Variants in KIF13A observed in about 807,000 individuals in gnomAD.
KIF13A encodes the protein kinesin family member 13A, also known as kinesin-like protein KIF13A.
KIF13A carries 79 observed loss-of-function variants against 212.2 expected under a neutral mutation model. The observed-to-expected ratio is 0.37, with a 90% CI of 0.31 to 0.45. The LOEUF is 0.45. KIF13A is among the 20% of genes least tolerant of loss of function. KIF13A has a pLI of 1.00. For synonymous variants in KIF13A, 789 were observed against 808.6 expected (o/e 0.98, Z 0.41); for missense variants, 1,901 against 2,209.0 (o/e 0.86, Z 2.79).
Position 17,800,058 on chromosome 6 carries a change from C to T in KIF13A, c.2510G>A (p.Arg837His), listed in dbSNP as rs778640625. The T allele has an allele frequency of 1.1e-5, 18 of 1,613,902 alleles. No homozygotes were observed. The highest frequency in any genetic ancestry group is 2.2e-5 in the East Asian group (1 of 44,892). The change falls in exon 21 of 39, where the codon CGT (arginine) becomes CAT (histidine). Residue 837 changes from arginine to histidine, a missense_variant. Around this residue, in one of 5 missense-constraint regions of KIF13A, gnomAD observed 534 missense variants for 536.9 expected, o/e 0.99. Transcript: ENST00000259711. ...VMRVTGAVPE[R>H]VVEDDSSENS... ...CTCCGAAGAGTCATCCTCCACCACA[C>T]GCTCTGGAACAGCTCCTGTAACACG...
chr6:17,819,414 C>G (rs1411417835), intron 16 of KIF13A, among the ~76,000 whole-genome samples: 2 of 151,732 alleles, frequency 1.3e-5, no homozygotes, highest in African/African-American at 2.4e-5. Context: ...AACACAAAAA[C>G]TAGTCAGGCG....
intron 16 of KIF13A, among the ~76,000 whole-genome samples, chr6:17,823,854 C>T (rs926512543): frequency 3.3e-5 from 5 of 151,918 alleles, no homozygotes; most frequent in South Asian, 2.1e-4. Context: ...CTTCCCGTCT[C>T]GGCCTCCCAA....
chr6:17,830,468 A>T (rs1203947497), intron 13 of KIF13A, among the ~76,000 whole-genome samples: 1 of 152,162 alleles, frequency 6.6e-6, no homozygotes, highest in Non-Finnish European at 1.5e-5. Flanking sequence ...ACTTTTTTTA[A>T]GAGTGTAAAT....
chr6:17,966,506 A>C (rs1235227253), intron 2 of KIF13A, among the ~76,000 whole-genome samples: 2 of 151,012 alleles, frequency 1.3e-5, no homozygotes, highest in East Asian at 3.9e-4. Flanking sequence ...AAAAAAAAAA[A>C]AACCCATGAT....
At chr6:17,957,987 G>A (rs1270958122) in intron 2 of KIF13A, among the ~76,000 whole-genome samples, 3 of 152,104 alleles carry the variant, frequency 2.0e-5, no homozygotes, top group Non-Finnish European at 4.4e-5. Flanking sequence ...CCTTCCTCTA[G>A]GAAACAGTCA....
In KIF13A at chr6:17,926,948, G is replaced by A. The variant is rs1775547867; in HGVS notation, c.147-28768C>T. 6.6e-6 allele frequency among the ~76,000 whole-genome samples: 1 copy of A among 151,938 alleles called. No individual in the cohort carries two copies. Among genetic ancestry groups the A allele is most frequent in the African/African-American group, 2.4e-5 (1 of 41,322 alleles). ...AGATCAGGAGTTCGAGACCAGCTGC[G>A]CCAACATGGTGAAACCTCATCTCTA... On this transcript the variant is annotated intron_variant, in intron 2 of 38. Coordinates refer to ENST00000259711, the MANE Select transcript of KIF13A (RefSeq NM_022113.6). The surrounding 1 kb of genome is among the most constrained non-coding windows in gnomAD (Gnocchi z 4.3).
At chr6:17,830,416 G>GAAACCCAGACACAT (rs1765346962) in intron 13 of KIF13A, among the ~76,000 whole-genome samples, 1 of 151,976 alleles carries the variant, frequency 6.6e-6, no homozygotes, top group Non-Finnish European at 1.5e-5. Context: ...CAGTAAACAC[G>GAAACCCAGACACAT]GATATAACCC....
chr6:17,800,272 C>T (rs1470774925), intron 20 of KIF13A, among the ~76,000 whole-genome samples, 159 bp from the exon 21 acceptor site: 1 of 152,026 alleles, frequency 6.6e-6, no homozygotes, highest in African/African-American at 2.4e-5. Context: ...CAGAGCAGTC[C>T]ATTCCACCAC....
chr6:17,986,107 T>C (rs1244284983), intron 2 of KIF13A, among the ~76,000 whole-genome samples: 2 of 152,190 alleles, frequency 1.3e-5, no homozygotes, highest in East Asian at 3.8e-4. Context: ...AAGAAGGAAA[T>C]TCACTAAATT....
intron 9 of KIF13A, among the ~76,000 whole-genome samples, chr6:17,842,777 G>C (rs1015912491): frequency 1.5e-4 from 22 of 150,028 alleles, no homozygotes; most frequent in South Asian, 8.9e-4. Flanking sequence ...AAAAGTAAAA[G>C]AAAGTTGGGA....
chr6:17,916,584 GAAAC>G (rs1483582484), intron 2 of KIF13A, among the ~76,000 whole-genome samples: 1 of 152,138 alleles, frequency 6.6e-6, no homozygotes, highest in Non-Finnish European at 1.5e-5. Context: ...CAGTTAAAAA[GAAAC>G]AAATCTTTTT....
rs111265829 is a variant in KIF13A at position 17,792,738 on chromosome 6, T to G, written c.3222+1511A>C. ...TTCCGAGCTAGAGGGAATTTTGGGC[T>G]TGAAGAAGGCAGGCAGCATCTGACA... is the stretch of plus-strand genomic sequence containing the variant. On this transcript the variant is annotated intron_variant, in intron 25 of 38. Transcript: ENST00000259711. Among the ~76,000 whole-genome samples the G allele has an allele frequency of 8.3e-4, 127 of 152,320 alleles. 2 individuals carry two copies. The highest frequency in any genetic ancestry group is 2.9e-3 in the African/African-American group (121 of 41,568).
Position 17,968,230 on chromosome 6 carries a change from A to C in KIF13A, c.146+18824T>G, listed in dbSNP as rs976820397. ...TCCCCGCTTACTCACCAGGAGAAAG[A>C]AGAGTAAGCAGGCCAGCAGCCCTGC... On this transcript the variant is annotated intron_variant, in intron 2 of 38. Coordinates refer to ENST00000259711, the MANE Select transcript of KIF13A (RefSeq NM_022113.6). This position sits in a 1 kb window ranked among gnomAD's most constrained non-coding sequence, Gnocchi z 4.7. 1.3e-5 allele frequency among the ~76,000 whole-genome samples: 2 copies of C among 152,228 alleles called. No individual in the cohort carries two copies. The highest frequency in any genetic ancestry group is 2.9e-5 in the Non-Finnish European group (2 of 68,034).
Position 17,947,461 on chromosome 6 carries a change from A to T in KIF13A, c.146+39593T>A, listed in dbSNP as rs760932279. Among the ~76,000 whole-genome samples the T allele has an allele frequency of 5.9e-5, 9 of 152,188 alleles. No individual in the cohort carries two copies. The highest frequency in any genetic ancestry group is 1.2e-4 in the Non-Finnish European group (8 of 68,024). On this transcript the variant is annotated intron_variant, in intron 2 of 38. Transcript: ENST00000259711. The surrounding 1 kb of genome is among the most constrained non-coding windows in gnomAD (Gnocchi z 4.6). ...ATTAAGGCTAGCTACTTTTCCTTTC[A>T]GCTTCCTTCTTAACTTCAAAAGTTC... is the stretch of plus-strand genomic sequence containing the variant.
intron 2 of KIF13A, among the ~76,000 whole-genome samples, chr6:17,975,195 TAAAA>T (rs564880271): frequency 5.9e-5 from 9 of 151,306 alleles, no homozygotes; most frequent in African/African-American, 7.3e-5. Context: ...AATAAAAAAA[TAAAA>T]AAAAACTAGC....
chr6:17,801,589 G>A (rs1052538769), intron 20 of KIF13A, among the ~76,000 whole-genome samples: 10 of 152,174 alleles, frequency 6.6e-5, no homozygotes, highest in African/African-American at 2.4e-4. Context: ...ATATATGTGC[G>A]AGTTGTTATG....
At chr6:17,940,981 A>C (rs994356336) in intron 2 of KIF13A, among the ~76,000 whole-genome samples, 1 of 151,924 alleles carries the variant, frequency 6.6e-6, no homozygotes, top group East Asian at 1.9e-4. Flanking sequence ...ATGCACCATC[A>C]TGCCTGGCTA....
At chr6:17,929,082 A>C (rs893103477) in intron 2 of KIF13A, among the ~76,000 whole-genome samples, 27 of 151,758 alleles carry the variant, frequency 1.8e-4, no homozygotes, top group African/African-American at 5.3e-4. Flanking sequence ...AAAAAAAAAA[A>C]ACAAAGGAGC....
rs915817761 is a variant in KIF13A at position 17,768,624 on chromosome 6, A to G, written c.4581+2490T>C. ...ATTTGAAAGCACCTGGAGTCACTGG[A>G]GTCCCCTTAATTATGCTGAGGAATG... On this transcript the variant is annotated intron_variant, in intron 38 of 38. Coordinates refer to ENST00000259711, the MANE Select transcript of KIF13A (RefSeq NM_022113.6). The surrounding 1 kb of genome is among the most constrained non-coding windows in gnomAD (Gnocchi z 5.4). Among the ~76,000 whole-genome samples, 1 of 152,214 alleles carries G rather than the reference A, an allele frequency of 6.6e-6. No individual in the cohort carries two copies. The highest frequency in any genetic ancestry group is 2.4e-5 in the African/African-American group (1 of 41,462).
Sources: gnomAD v4.1 joint callset for allele counts (sites outside exome capture counted in the v4.1 genomes callset) on GRCh38, gnomAD v4.1.1 for gene constraint, gnomAD v4.1.1 regional missense constraint, Gnocchi (gnomAD v3.1) non-coding constraint, MANE v1.5 for transcripts, NCBI Gene and HGNC (gene_info 2026-07-23, HGNC 2026-07-21) for gene names.